FAM81A: variants seen among roughly 807,000 people sequenced by gnomAD.
The protein encoded by FAM81A is protein FAM81A.
Under a neutral mutation model 46.7 loss-of-function variants are expected in FAM81A, and 19 were observed. That is an observed-to-expected ratio of 0.41 (90% CI 0.28 to 0.60). The LOEUF (loss-of-function observed/expected upper bound fraction) is 0.60. FAM81A is among the 20% of genes least tolerant of loss of function. FAM81A has a pLI of 0.34. For synonymous variants in FAM81A, 183 were observed against 152.9 expected (o/e 1.20, Z -1.45); for missense variants, 377 against 453.5 (o/e 0.83, Z 1.53).
chr15:59,456,521 C>T (rs1317194027), intron 1 of FAM81A, among the ~76,000 whole-genome samples: 1 of 152,140 alleles, frequency 6.6e-6, no homozygotes, highest in East Asian at 1.9e-4. Flanking sequence ...CGACCCCTCT[C>T]CTGTTTTCCC....
At chr15:59,485,352 C>A (rs1034831121) in intron 3 of FAM81A, among the ~76,000 whole-genome samples, 2 of 152,146 alleles carry the variant, frequency 1.3e-5, no homozygotes, top group Non-Finnish European at 2.9e-5. Flanking sequence ...ATCAGAGTCC[C>A]AATGGTGGTG....
intron 3 of FAM81A, among the ~76,000 whole-genome samples, chr15:59,468,418 C>G (rs1237013290): frequency 6.6e-6 from 1 of 152,118 alleles, no homozygotes; most frequent in Non-Finnish European, 1.5e-5. Context: ...GATTCAACTT[C>G]TTCCTGGTTT....
chr15:59,462,663 C>T (rs2081567008), intron 3 of FAM81A, among the ~76,000 whole-genome samples: 1 of 152,112 alleles, frequency 6.6e-6, no homozygotes, highest in Non-Finnish European at 1.5e-5. Flanking sequence ...AAAGTAACTC[C>T]CCACTCCACT....
chr15:59,464,699 T>A (rs1350178444), intron 3 of FAM81A, among the ~76,000 whole-genome samples: 1 of 152,242 alleles, frequency 6.6e-6, no homozygotes, highest in Non-Finnish European at 1.5e-5. Context: ...GTTCCTTCTG[T>A]ATTCTGGATA....
chr15:59,478,624 G>A (rs1007319311), intron 3 of FAM81A, among the ~76,000 whole-genome samples: 1 of 152,140 alleles, frequency 6.6e-6, no homozygotes, highest in African/African-American at 2.4e-5. Context: ...ATCAGCGGAG[G>A]GGTTTTGGTG....
chr15:59,450,421 T>A (rs1012224450), intron 1 of FAM81A, among the ~76,000 whole-genome samples: 9 of 152,186 alleles, frequency 5.9e-5, no homozygotes, highest in Non-Finnish European at 8.8e-5. Flanking sequence ...GAGGATTTTT[T>A]AATAGTAGAA....
chr15:59,520,763 C>T (rs2082319599), intron 8 of FAM81A, among the ~76,000 whole-genome samples: 2 of 152,098 alleles, frequency 1.3e-5, no homozygotes, highest in Non-Finnish European at 2.9e-5. Context: ...CAGGGTTTCG[C>T]CGTGTTGGCC....
chr15:59,509,476 T>C (rs1265042634), intron 6 of FAM81A, among the ~76,000 whole-genome samples: 1 of 152,202 alleles, frequency 6.6e-6, no homozygotes, highest in African/African-American at 2.4e-5. Flanking sequence ...GATTAAGTTA[T>C]GGATTTTAAA....
intron 1 of FAM81A, among the ~76,000 whole-genome samples, chr15:59,443,543 T>G (rs1303357015): frequency 2.6e-5 from 4 of 152,194 alleles, no homozygotes; most frequent in Non-Finnish European, 4.4e-5. Flanking sequence ...AGGTCAGTTA[T>G]GTAGTAGAAT....
intron 2 of FAM81A, among the ~76,000 whole-genome samples, chr15:59,415,662 G>A (rs536236823): frequency 8.5e-5 from 13 of 152,286 alleles, no homozygotes; most frequent in African/African-American, 2.9e-4. Context: ...TTTTAGCCCA[G>A]TGAGGCCTAT....
intron 1 of FAM81A, among the ~76,000 whole-genome samples, chr15:59,398,935 C>A (rs2081058837): frequency 6.6e-6 from 1 of 151,906 alleles, no homozygotes; most frequent in Non-Finnish European, 1.5e-5. Context: ...TTTGGGAGGC[C>A]AAGACAGGTG....
Position 59,514,282 on chromosome 15 carries a change from T to C in FAM81A, c.651-7T>C. On this transcript the variant is annotated splice_region_variant and splice_polypyrimidine_tract_variant and intron_variant, in intron 6 of 8. Coordinates refer to ENST00000288228, the MANE Select transcript of FAM81A (RefSeq NM_152450.3). The stretch of plus-strand genomic sequence containing the variant: ...TTTACATCTAACTTGCAATTTTTTT[T>C]TTTTAGATTTAAAGGTACAGTTGAG... The C allele has an allele frequency of 6.4e-7, 1 of 1,563,226 alleles. No homozygotes were observed. The highest frequency in any genetic ancestry group is 8.6e-7 in the Non-Finnish European group (1 of 1,162,548).
At chr15:59,496,139 AG>A (rs2082030786) in intron 4 of FAM81A, among the ~76,000 whole-genome samples, 2 of 152,152 alleles carry the variant, frequency 1.3e-5, no homozygotes, top group Non-Finnish European at 2.9e-5. Context: ...TAAGTTTTAT[AG>A]TTTCAGCTCT....
rs151331318 is a variant in FAM81A at position 59,503,459 on chromosome 15, A to G, written c.414-3754A>G. Among the ~76,000 whole-genome samples the G allele has an allele frequency of 2.5e-3, 381 of 152,214 alleles. 2 individuals are homozygous for G. The highest frequency in any genetic ancestry group is 8.6e-3 in the African/African-American group (358 of 41,538). On this transcript the variant is annotated intron_variant, in intron 4 of 8. Transcript: ENST00000288228. ...AGTATTATATATACTATTCTGCAAC[A>G]TAAGTTTTTCCACATAACATGTGGA...
At chr15:59,518,941 G>A (rs951887143) in intron 8 of FAM81A, among the ~76,000 whole-genome samples, 1 of 112,842 alleles carries the variant, frequency 8.9e-6, no homozygotes, top group Non-Finnish European at 2.0e-5. Context: ...GTGTGTGTGT[G>A]TCTGTGTGTG....
intron 3 of FAM81A, among the ~76,000 whole-genome samples, chr15:59,468,447 G>A (rs2081643007): frequency 6.6e-6 from 1 of 152,124 alleles, no homozygotes; most frequent in Non-Finnish European, 1.5e-5. Context: ...GAGGGTGTGT[G>A]TGTCCAGGAA....
chr15:59,435,157 C>A (rs895463327), upstream of FAM81A, among the ~76,000 whole-genome samples: 1 of 151,888 alleles, frequency 6.6e-6, no homozygotes. Context: ...CGTGGTGGTG[C>A]ATGTTTGTAG....
At chr15:59,461,164 A>T (rs529529453) in intron 3 of FAM81A, among the ~76,000 whole-genome samples, 6 of 152,318 alleles carry the variant, frequency 3.9e-5, no homozygotes, top group African/African-American at 1.4e-4. Context: ...TTTGCAGTCA[A>T]TTCCTACTTC....
chr15:59,446,848 G>A (rs904242103), intron 1 of FAM81A, among the ~76,000 whole-genome samples: 10 of 152,154 alleles, frequency 6.6e-5, no homozygotes, highest in Non-Finnish European at 1.2e-4. Context: ...TGCCCACAAG[G>A]AAATGAAAGT....
Sources: gnomAD v4.1 joint callset for allele counts (sites outside exome capture counted in the v4.1 genomes callset) on GRCh38, gnomAD v4.1.1 for gene constraint, MANE v1.5 for transcripts, NCBI Gene and HGNC (gene_info 2026-07-23, HGNC 2026-07-21) for gene names.